The following CIPC variants were observed in gnomAD, a reference collection of about 807,000 sequenced individuals.
CIPC encodes the protein CLOCK interacting pacemaker, also known as CLOCK-interacting pacemaker.
In CIPC, 12 loss-of-function variants were observed where a neutral mutation model predicts 26.7. The observed-to-expected ratio is 0.45, with a 90% confidence interval of 0.29 to 0.73. The LOEUF (loss-of-function observed/expected upper bound fraction) is 0.73, where lower values mean the gene tolerates loss of function less well. CIPC is among the 30% of genes least tolerant of loss of function. The probability of loss-of-function intolerance (pLI) is 0.12; values close to 1 mark genes in which losing one functional copy is unlikely to be tolerated. For synonymous variants in CIPC, 170 were observed against 189.8 expected (o/e 0.90, Z 0.86); for missense variants, 417 against 486.5 (o/e 0.86, Z 1.34).
At chr14:77,107,956 TA>T (rs1287529676) in intron 2 of CIPC, among the ~76,000 whole-genome samples, 1 of 152,246 alleles carries the variant, frequency 6.6e-6, no homozygotes, top group African/African-American at 2.4e-5. Flanking sequence ...TGGTTTAGTT[TA>T]TAACCACTCC....
At chr14:77,105,579 G>C in intron 1 of CIPC, 78 bp from the exon 2 acceptor site, 1 of 964,464 alleles carries the variant, frequency 1.0e-6, no homozygotes, top group Non-Finnish European at 1.5e-6. Context: ...AGTGTTCTTT[G>C]CCCATACTTT....
chr14:77,100,307 T>C (rs1886455474), intron 1 of CIPC, among the ~76,000 whole-genome samples: 1 of 143,440 alleles, frequency 7.0e-6, no homozygotes, highest in Non-Finnish European at 1.5e-5. Flanking sequence ...AGAGGCACAA[T>C]TTCGGCTTAC....
intron 1 of CIPC, among the ~76,000 whole-genome samples, chr14:77,101,612 C>T (rs1038085086): frequency 6.6e-6 from 1 of 152,146 alleles, no homozygotes; most frequent in Non-Finnish European, 1.5e-5. Flanking sequence ...ATAGTTGACC[C>T]TCCCATAACA....
rs145883998 is a variant in CIPC at position 77,107,308 on chromosome 14, C to T, written c.136+1464C>T. Among the ~76,000 whole-genome samples the T allele has an allele frequency of 1.8e-3, 280 of 152,204 alleles. 2 individuals carry two copies. The East Asian group carries it at 0.027, about 15-fold the overall frequency. On this transcript the variant is annotated intron_variant, in intron 2 of 3. Coordinates refer to ENST00000361786, the MANE Select transcript of CIPC (RefSeq NM_033426.3). ...TTCTAACAACTTCAACTTTGTCAGG[C>T]CAGTTGTTTTAAGAATATTGTACTA...
chr14:77,107,512 T>C (rs1392147411), intron 2 of CIPC, among the ~76,000 whole-genome samples: 1 of 152,136 alleles, frequency 6.6e-6, no homozygotes, highest in Non-Finnish European at 1.5e-5. Context: ...AGACAATTTT[T>C]CCCATTTTAA....
chr14:77,105,617 C>T lies in CIPC; in HGVS notation c.-52-40C>T, dbSNP rs879817605. ...TCACTGTTTGGATCACCTGTTTCAG[C>T]TCTCCAGGCAGTGACTTCTTATATA... is the stretch of plus-strand genomic sequence containing the variant. On this transcript the variant is annotated intron_variant, in intron 1 of 3. Transcript: ENST00000361786. 2.9e-6 allele frequency: 4 copies of T among 1,381,920 alleles called. No individual in the cohort carries two copies. In the Admixed American group the frequency reaches 8.6e-5, roughly 30 times the overall value. The allele number at this position is 1,381,920 out of a possible 1,614,324, so 85.6% of individuals were successfully genotyped here. A position where few individuals can be genotyped will look rare whatever the true frequency, so the allele number is the denominator to read the frequency against.
intron 3 of CIPC, among the ~76,000 whole-genome samples, chr14:77,110,397 A>G (rs1200187499): frequency 3.3e-5 from 5 of 152,170 alleles, no homozygotes; most frequent in African/African-American, 1.2e-4. Flanking sequence ...GAATGCATTT[A>G]TCTCAGAAGT....
intron 1 of CIPC, among the ~76,000 whole-genome samples, chr14:77,101,093 G>A (rs962711898): frequency 3.9e-5 from 6 of 152,210 alleles, no homozygotes; most frequent in African/African-American, 1.4e-4. Context: ...AACACAGTGG[G>A]TAAGAGCTTA....
chr14:77,114,244 C>G lies in CIPC; in HGVS notation c.1126C>G (p.Gln376Glu). 6.2e-7 allele frequency: 1 copy of G among 1,614,078 alleles called. No homozygotes were observed. The highest frequency in any genetic ancestry group is 1.3e-5 in the African/African-American group (1 of 75,034). The change falls in exon 4 of 4, where the codon CAG (glutamine) becomes GAG (glutamate). Residue 376 changes from glutamine to glutamate, a missense_variant. Coordinates refer to ENST00000361786, the MANE Select transcript of CIPC (RefSeq NM_033426.3). ...GGCCCCTCAGGCTTGGGCCAAGCTG[C>G]AGGCATCTTTAACACCTGGGTCCAG... ...SRAPQAWAKLQASLTPGSSNT... is the reference protein window; with the variant it reads ...SRAPQAWAKLEASLTPGSSNT...
At chr14:77,112,004 C>T (rs575877801) in intron 3 of CIPC, among the ~76,000 whole-genome samples, 16 of 152,278 alleles carry the variant, frequency 1.1e-4, no homozygotes, top group Non-Finnish European at 2.2e-4. Context: ...TATATTTGAA[C>T]ATCAAGAGGA....
intron 2 of CIPC, among the ~76,000 whole-genome samples, chr14:77,106,834 A>G (rs540809485): frequency 3.9e-5 from 6 of 152,332 alleles, no homozygotes; most frequent in Middle Eastern, 6.8e-3. Flanking sequence ...GCGCCAACCA[A>G]GGGATTAGAT....
Position 77,116,683 on chromosome 14 carries a change from A to C in CIPC, c.*2365A>C, listed in dbSNP as rs1369643341. 1 of 152,204 alleles carries C rather than the reference A, an allele frequency of 6.6e-6. No individual in the cohort carries two copies. The highest frequency in any genetic ancestry group is 6.5e-5 in the Admixed American group (1 of 15,276). The allele number at this position is 152,204 out of a possible 1,614,324, so 9.4% of individuals were successfully genotyped here. A position where few individuals can be genotyped will look rare whatever the true frequency, so the allele number is the denominator to read the frequency against. Reference sequence around the variant, plus strand: ...TTAGTGCTAGAAGTCTCTCCAGGCTATTACCATGGGCATTTGTTCTCTGTT... The same window carrying C: ...TTAGTGCTAGAAGTCTCTCCAGGCTCTTACCATGGGCATTTGTTCTCTGTT... On this transcript the variant is annotated 3_prime_UTR_variant, in exon 4 of 4. Transcript: ENST00000361786.
rs1489930001 is a variant in CIPC, at chr14:77,114,033, CT to C, written c.919del (p.Ser307GlnfsTer15). 1.2e-6 allele frequency: 2 copies of C among 1,614,252 alleles called. No homozygotes were observed. The highest frequency in any genetic ancestry group is 1.7e-6 in the Non-Finnish European group (2 of 1,180,046). On this transcript the variant is annotated frameshift_variant, in exon 4 of 4. Transcript: ENST00000361786. LOFTEE classifies it high-confidence loss of function. ...AGCACCTCTGCCGCAGCCCAGATAT[CT>C]TTTCAGAGCAGCGGCAGAGCAAACA... ...AEHLCRSPDI[F>X]SEQRQSKHRR... is the part of the protein sequence containing the mutation.
At chr14:77,112,955 A>G (rs1161946748) in intron 3 of CIPC, among the ~76,000 whole-genome samples, 2 of 151,748 alleles carry the variant, frequency 1.3e-5, no homozygotes, top group Non-Finnish European at 2.9e-5. Context: ...CAGGTGATCC[A>G]CCTCCCTCAG....
intron 2 of CIPC, among the ~76,000 whole-genome samples, chr14:77,109,036 G>C (rs1390587838): frequency 6.6e-6 from 1 of 152,038 alleles, no homozygotes; most frequent in East Asian, 1.9e-4. Context: ...TTTCTCCAAG[G>C]ACCCCTCATT....
chr14:77,102,552 A>G (rs923150751), intron 1 of CIPC, among the ~76,000 whole-genome samples: 24 of 152,188 alleles, frequency 1.6e-4, no homozygotes, highest in African/African-American at 5.6e-4. Context: ...CTGTAGCTCT[A>G]TTGACTACAC....
chr14:77,105,972 T>A, intron 2 of CIPC, 128 bp downstream of exon 2: 1 of 1,064,164 alleles, frequency 9.4e-7, no homozygotes, highest in Non-Finnish European at 1.3e-6. Flanking sequence ...TTACCTGCTT[T>A]AAAATGGTAA....
chr14:77,105,736 A>G lies in CIPC; in HGVS notation c.28A>G (p.Ser10Gly), dbSNP rs749932413. 1 of 1,614,150 alleles carries G rather than the reference A, an allele frequency of 6.2e-7. No individual in the cohort carries two copies. The highest frequency in any genetic ancestry group is 1.1e-5 in the South Asian group (1 of 91,070). The change falls in exon 2 of 4, where the codon AGC (serine) becomes GGC (glycine). Residue 10 changes from serine (S) to glycine (G), a missense_variant. Physicochemically the swap from Ser to Gly is moderately conservative, Grantham distance 56. Coordinates refer to ENST00000361786, the MANE Select transcript of CIPC (RefSeq NM_033426.3). Reference sequence around the variant, plus strand: ...GGAGAGGAAAAACCCATCCAGAGAGAGCCCCAGAAGACTCTCTGCCAAAGT... The same window carrying G: ...GGAGAGGAAAAACCCATCCAGAGAGGGCCCCAGAAGACTCTCTGCCAAAGT... MERKNPSRE[S>G]PRRLSAKVGK...
In CIPC at chr14:77,114,193, C is replaced by T. The variant is rs1451420319; in HGVS notation, c.1075C>T (p.Leu359=). 3 of 1,614,182 alleles carry T rather than the reference C, an allele frequency of 1.9e-6. No homozygotes were observed. The East Asian group carries it at 6.7e-5, about 36-fold the overall frequency. The change falls in exon 4 of 4, where the codon CTG becomes TTG. Residue 359 remains leucine (L), a synonymous_variant. Coordinates refer to ENST00000361786, the MANE Select transcript of CIPC (RefSeq NM_033426.3). ...ELDQLKEQTQ[L]FIEATKSRAP... is the part of the protein sequence containing the mutation. ...AGACCAGCTAAAGGAGCAAACCCAGCTGTTTATAGAAGCCACCAAGAGCAG... is the reference window on the plus strand; with the variant it reads ...AGACCAGCTAAAGGAGCAAACCCAGTTGTTTATAGAAGCCACCAAGAGCAG...
Sources: allele counts gnomAD v4.1 joint callset (sites outside exome capture counted in the v4.1 genomes callset), GRCh38; gene constraint gnomAD v4.1.1; transcripts MANE v1.5; gene names NCBI Gene and HGNC (gene_info 2026-07-23, HGNC 2026-07-21).